NLGN4X: variants seen among roughly 807,000 people sequenced by gnomAD.
NLGN4X encodes the protein neuroligin-4, X-linked.
NLGN4X carries 3 observed loss-of-function variants against 40.3 expected under a neutral mutation model. That is an observed-to-expected ratio of 0.07 (90% confidence interval 0.03 to 0.19). NLGN4X has a LOEUF of 0.19. NLGN4X is among the 10% of genes least tolerant of loss of function. The pLI is 1.00. For synonymous variants in NLGN4X, 270 were observed against 306.8 expected, an observed-to-expected ratio of 0.88 and a Z score of 1.25; for missense variants, 382 against 708.3, an observed-to-expected ratio of 0.54 and a Z score of 5.23.
At chrX:5,923,866 G>A (rs1023459561) in intron 3 of NLGN4X, among the ~76,000 whole-genome samples, 1 of 111,612 alleles carries the variant, frequency 9.0e-6, no homozygotes, top group Non-Finnish European at 1.9e-5. Flanking sequence ...TGTGATGTCT[G>A]TATTTAATGA....
chrX:6,000,421 GTTTA>G (rs763931182), intron 3 of NLGN4X, among the ~76,000 whole-genome samples: 6 of 111,702 alleles, frequency 5.4e-5, no homozygotes, highest in African/African-American at 2.0e-4. Flanking sequence ...ATGTTACTTA[GTTTA>G]TTTAATTCTC....
chrX:6,051,713 A>G (rs1406050900), intron 2 of NLGN4X, among the ~76,000 whole-genome samples: 1 of 110,953 alleles, frequency 9.0e-6, no homozygotes, highest in Non-Finnish European at 1.9e-5. Context: ...CCCAGTTTAC[A>G]CCATTTACCA....
At chrX:6,026,658 C>G (rs2036702668) in intron 3 of NLGN4X, among the ~76,000 whole-genome samples, 1 of 111,435 alleles carries the variant, frequency 9.0e-6, no homozygotes, top group Non-Finnish European at 1.9e-5. Flanking sequence ...GAAAGGGGGT[C>G]TGTAGTGTGC....
intron 3 of NLGN4X, among the ~76,000 whole-genome samples, chrX:5,956,852 C>A (rs1206303906): frequency 2.7e-5 from 3 of 111,832 alleles, no homozygotes; most frequent in Non-Finnish European, 5.6e-5. Context: ...ATGTGAGAGA[C>A]AATAGAATAG....
chrX:6,227,243 G>T (rs1926455250), intron 1 of NLGN4X: 1 of 110,075 alleles, frequency 9.1e-6, no homozygotes, highest in Non-Finnish European at 1.9e-5. Context: ...GGGCTGTAGA[G>T]GTGGTGCGCC....
intron 2 of NLGN4X, among the ~76,000 whole-genome samples, chrX:6,121,149 TACACACACAC>T (rs35061904): frequency 3.7e-4 from 38 of 102,483 alleles, no homozygotes; most frequent in African/African-American, 5.0e-4. Context: ...TATATATACA[TACACACACAC>T]ACACACACAC....
At chrX:6,213,529 G>A (rs1409857194) in intron 1 of NLGN4X, among the ~76,000 whole-genome samples, 2 of 112,163 alleles carry the variant, frequency 1.8e-5, no homozygotes, top group Admixed American at 9.5e-5. Flanking sequence ...AGATGGTCAC[G>A]TAAGATGCGA....
chrX:5,988,607 A>C (rs1235091987), intron 3 of NLGN4X, among the ~76,000 whole-genome samples: 3 of 112,232 alleles, frequency 2.7e-5, no homozygotes, highest in Non-Finnish European at 5.6e-5. Context: ...ACATTCCACT[A>C]AACAGACTTT....
chrX:5,954,594 ATCTCTG>A (rs201027723), intron 3 of NLGN4X, among the ~76,000 whole-genome samples: 5,999 of 97,643 alleles, frequency 0.061, 320 homozygotes, highest in African/African-American at 0.16. Context: ...GTCCCTGGCA[ATCTCTG>A]TCTCTGTCTC....
rs190019154 is a variant in NLGN4X, at chrX:6,186,055, C to T, written c.-305-34284G>A. 2.3e-3 allele frequency among the ~76,000 whole-genome samples: 255 copies of T among 112,573 alleles called. 1 individual carries two copies. The highest frequency in any genetic ancestry group is 7.4e-3 in the African/African-American group (229 of 31,032). ...AGAATTCCTAATACAAAAGCATATG[C>T]TCTGTTGTTAATGCTAATGTATTAC... On this transcript the variant is annotated intron_variant, in intron 1 of 5. Transcript: ENST00000381095.
chrX:6,118,441 A>G (rs984728429), intron 2 of NLGN4X, among the ~76,000 whole-genome samples: 3 of 111,675 alleles, frequency 2.7e-5, no homozygotes, highest in African/African-American at 9.8e-5. Context: ...ATGGCAACGC[A>G]ATTCTTCCAG....
At chrX:6,226,423 C>A (rs1251277192) in intron 1 of NLGN4X, among the ~76,000 whole-genome samples, 23 of 110,994 alleles carry the variant, frequency 2.1e-4, no homozygotes, top group African/African-American at 7.5e-4. Context: ...CCCAGGGTGG[C>A]CCGGGCCAGG....
chrX:6,074,246 T>G (rs928235361), intron 2 of NLGN4X, among the ~76,000 whole-genome samples: 1 of 111,246 alleles, frequency 9.0e-6, no homozygotes, highest in African/African-American at 3.3e-5. Flanking sequence ...TTCCTTGGCA[T>G]TGAAGTCCCA....
intron 2 of NLGN4X, among the ~76,000 whole-genome samples, chrX:6,053,864 T>C (rs2037552440): frequency 8.9e-6 from 1 of 112,292 alleles, no homozygotes; most frequent in African/African-American, 3.2e-5. Context: ...CGGGAAATAA[T>C]CATTGCAGTC....
chrX:6,020,619 T>A (rs983112091), intron 3 of NLGN4X, among the ~76,000 whole-genome samples: 1 of 112,114 alleles, frequency 8.9e-6, no homozygotes, highest in Admixed American at 9.4e-5. Context: ...ACCAGAAAAA[T>A]AAGCATTTGA....
chrX:6,049,443 T>C (rs1438124803), intron 2 of NLGN4X, among the ~76,000 whole-genome samples: 1 of 107,921 alleles, frequency 9.3e-6, no homozygotes, highest in Non-Finnish European at 1.9e-5. Context: ...AAAGACCATG[T>C]TAAAATAAAC....
At chrX:6,014,684 A>G (rs773952348) in intron 3 of NLGN4X, among the ~76,000 whole-genome samples, 1 of 112,108 alleles carries the variant, frequency 8.9e-6, no homozygotes, top group East Asian at 2.8e-4. Flanking sequence ...TTCATGGAGT[A>G]GAAGAGCTAA....
At chrX:5,949,795 T>C (rs1921363) in intron 3 of NLGN4X, among the ~76,000 whole-genome samples, 28,903 of 110,783 alleles carry the variant, frequency 0.26, 3,170 homozygotes, top group African/African-American at 0.42. Context: ...ATGTCCTCAA[T>C]GAGGTTTGAT....
At chrX:6,014,138 C>T (rs1005718634) in intron 3 of NLGN4X, among the ~76,000 whole-genome samples, 22 of 107,304 alleles carry the variant, frequency 2.1e-4, no homozygotes, top group Non-Finnish European at 1.5e-4. Flanking sequence ...GCTGAGATCG[C>T]GCCATTGCAC....
Sources: gnomAD v4.1 joint callset for allele counts (sites outside exome capture counted in the v4.1 genomes callset) on GRCh38, gnomAD v4.1.1 for gene constraint, MANE v1.5 for transcripts, NCBI Gene and HGNC (gene_info 2026-07-23, HGNC 2026-07-21) for gene names.